The following HDAC9 variants were observed in gnomAD, a reference collection of about 807,000 sequenced individuals.
HDAC9 encodes the protein MEF-2 interacting transcription repressor (MITR) protein.
In HDAC9, 41 loss-of-function variants were observed where a neutral mutation model predicts 139.4. The ratio of observed to expected loss-of-function variants is 0.29; its 90% CI spans 0.23 to 0.38. The LOEUF (loss-of-function observed/expected upper bound fraction) is 0.38, where lower values mean the gene tolerates loss of function less well. HDAC9 is among the 10% of genes least tolerant of loss of function. The pLI is 1.00. For missense variants in HDAC9, 1,147 were observed against 1,297.0 expected (o/e 0.88, Z 1.78); for synonymous variants, 517 against 476.2 (o/e 1.09, Z -1.12).
chr7:18,277,791 T>C (rs1796841085), intron 2 of HDAC9, among the ~76,000 whole-genome samples: 1 of 152,242 alleles, frequency 6.6e-6, no homozygotes, highest in Non-Finnish European at 1.5e-5. Context: ...AAATGGTTAG[T>C]CAATTTACTA....
chr7:18,841,556 C>G (rs1796585862), intron 21 of HDAC9, among the ~76,000 whole-genome samples: 1 of 152,046 alleles, frequency 6.6e-6, no homozygotes, highest in Non-Finnish European at 1.5e-5. Flanking sequence ...TGTCACACAG[C>G]TGGTATATGG....
intron 25 of HDAC9, among the ~76,000 whole-genome samples, chr7:18,990,507 CTG>C (rs1342093141): frequency 1.3e-5 from 2 of 152,242 alleles, no homozygotes; most frequent in African/African-American, 4.8e-5. Flanking sequence ...TTTTGTTTGT[CTG>C]TGCCCTGCCC....
chr7:18,827,394 T>C (rs564957213), intron 17 of HDAC9, among the ~76,000 whole-genome samples: 33 of 152,140 alleles, frequency 2.2e-4, no homozygotes, highest in Non-Finnish European at 4.0e-4. Flanking sequence ...AGATAAGTAT[T>C]TTTTTAAGGC....
intron 23 of HDAC9, among the ~76,000 whole-genome samples, chr7:18,946,468 A>G (rs1782411086): frequency 6.6e-6 from 1 of 152,184 alleles, no homozygotes; most frequent in Non-Finnish European, 1.5e-5. Context: ...AAATGAAAAA[A>G]AATTTATCCA....
chr7:18,719,995 A>G (rs1785023132), intron 12 of HDAC9, among the ~76,000 whole-genome samples: 1 of 152,166 alleles, frequency 6.6e-6, no homozygotes, highest in African/African-American at 2.4e-5. Context: ...AGTTCCATTG[A>G]TCTACATGTC....
At chr7:18,576,565 TGCA>T (rs1225619813) in intron 2 of HDAC9, among the ~76,000 whole-genome samples, 1 of 149,970 alleles carries the variant, frequency 6.7e-6, no homozygotes, top group Non-Finnish European at 1.5e-5. Context: ...GGGAGGCTGA[TGCA>T]GGAGAATGAC....
intron 1 of HDAC9, among the ~76,000 whole-genome samples, chr7:18,330,195 A>G (rs987039975): frequency 6.6e-6 from 1 of 151,740 alleles, no homozygotes; most frequent in Non-Finnish European, 1.5e-5. Context: ...AAACTAAATG[A>G]AACCCAGGGC....
chr7:18,699,027 T>C (rs938916551), intron 12 of HDAC9, among the ~76,000 whole-genome samples: 1 of 152,182 alleles, frequency 6.6e-6, no homozygotes, highest in African/African-American at 2.4e-5. Context: ...GTCTTCAGAC[T>C]CTGTTCCTCT....
chr7:18,853,426 T>G (rs1362360934), intron 21 of HDAC9, among the ~76,000 whole-genome samples: 1 of 152,168 alleles, frequency 6.6e-6, no homozygotes, highest in African/African-American at 2.4e-5. Flanking sequence ...TTCAGCAATA[T>G]AATAGATGGT....
intron 5 of HDAC9, among the ~76,000 whole-genome samples, chr7:18,592,245 C>T (rs1470122350): frequency 6.6e-6 from 1 of 152,046 alleles, no homozygotes; most frequent in Non-Finnish European, 1.5e-5. Flanking sequence ...CCCCTGCCCA[C>T]CTCACTTCAT....
intron 1 of HDAC9, among the ~76,000 whole-genome samples, chr7:18,485,338 G>T (rs1351862279): frequency 6.6e-6 from 1 of 151,842 alleles, no homozygotes; most frequent in Non-Finnish European, 1.5e-5. Flanking sequence ...TATCTTATTT[G>T]GCAGTTAGGA....
intron 2 of HDAC9, among the ~76,000 whole-genome samples, chr7:18,500,490 CAG>C (rs1379962204): frequency 2.6e-5 from 4 of 152,152 alleles, no homozygotes; most frequent in African/African-American, 4.8e-5. Context: ...TTGATCATAA[CAG>C]AGAGACCTGT....
chr7:18,960,922 T>G (rs533547635), intron 24 of HDAC9, among the ~76,000 whole-genome samples: 215 of 152,266 alleles, frequency 1.4e-3, no homozygotes, highest in African/African-American at 5.0e-3. Context: ...TGTTTTGACC[T>G]CATGGGGCTA....
chr7:18,298,296 T>A (rs939884125), intron 1 of HDAC9, among the ~76,000 whole-genome samples: 8 of 152,174 alleles, frequency 5.3e-5, no homozygotes, highest in East Asian at 1.9e-4. Context: ...TTTTTTTTTT[T>A]TTATTATACT....
intron 21 of HDAC9, among the ~76,000 whole-genome samples, chr7:18,864,872 A>G (rs1039162034): frequency 7.9e-5 from 12 of 152,170 alleles, no homozygotes; most frequent in Admixed American, 2.6e-4. Context: ...AATGCTGCCA[A>G]AGTTAAATGG....
intron 12 of HDAC9, among the ~76,000 whole-genome samples, chr7:18,684,804 A>G (rs527894041): frequency 4.6e-5 from 7 of 152,158 alleles, no homozygotes; most frequent in Non-Finnish European, 7.4e-5. Flanking sequence ...TTATGAGTGA[A>G]CTTTTTTCTT....
chr7:18,630,452 G>A (rs769790776), intron 7 of HDAC9, among the ~76,000 whole-genome samples: 1 of 152,010 alleles, frequency 6.6e-6, no homozygotes, highest in African/African-American at 2.4e-5. Flanking sequence ...AGGCAATATA[G>A]AGGAAGACTG....
At chr7:18,347,293 C>T (rs1782491826) in intron 1 of HDAC9, among the ~76,000 whole-genome samples, 1 of 152,154 alleles carries the variant, frequency 6.6e-6, no homozygotes, top group Non-Finnish European at 1.5e-5. Flanking sequence ...ACTTCATTAG[C>T]AACACTCTTA....
At chr7:18,906,823 C>T (rs964854862) in intron 22 of HDAC9, 10 of 152,200 alleles carry the variant, frequency 6.6e-5, no homozygotes, top group East Asian at 1.9e-4. Flanking sequence ...CAATCAATTT[C>T]GAGGACCACT....
Sources: allele counts gnomAD v4.1 joint callset (sites outside exome capture counted in the v4.1 genomes callset), GRCh38; gene constraint gnomAD v4.1.1; transcripts MANE v1.5; gene names NCBI Gene and HGNC (gene_info 2026-07-23, HGNC 2026-07-21).